Variants in LRRC34 observed in about 807,000 individuals in gnomAD.
LRRC34 encodes leucine-rich repeat-containing protein 34.
LRRC34 carries 44 observed loss-of-function variants against 48.5 expected under a neutral mutation model. The ratio of observed to expected loss-of-function variants is 0.91; its 90% CI spans 0.71 to 1.17. The LOEUF (loss-of-function observed/expected upper bound fraction) is 1.17. LRRC34 is among the 50% of genes most tolerant of loss of function. The pLI is 0.00. For synonymous variants in LRRC34, 192 were observed against 197.6 expected, an observed-to-expected ratio of 0.97 and a Z score of 0.24; for missense variants, 502 against 563.0, an observed-to-expected ratio of 0.89 and a Z score of 1.10.
At chr3:169,803,589 C>A (rs1420925210) in intron 6 of LRRC34, among the ~76,000 whole-genome samples, 1 of 152,144 alleles carries the variant, frequency 6.6e-6, no homozygotes, top group African/African-American at 2.4e-5. Context: ...CGCCACCAGG[C>A]CCCGACTAAT....
In LRRC34 at chr3:169,793,596, A is replaced by G. The variant is rs751430655; in HGVS notation, c.*39T>C. The G allele has an allele frequency of 1.8e-5, 26 of 1,420,532 alleles. No individual in the cohort carries two copies. The highest frequency in any genetic ancestry group is 5.5e-5 in the Admixed American group (3 of 54,728). The allele number at this position is 1,420,532 out of a possible 1,614,324, so 88.0% of individuals were successfully genotyped here. ...ATAGAATATTAATCTCTGTGAAACAATAAGACAAGTGTATGAAAATTATTT... is the reference window on the plus strand; with the variant it reads ...ATAGAATATTAATCTCTGTGAAACAGTAAGACAAGTGTATGAAAATTATTT... On this transcript the variant is annotated 3_prime_UTR_variant, in exon 11 of 11. Coordinates refer to ENST00000446859, the MANE Select transcript of LRRC34 (RefSeq NM_001172779.2).
rs771926845 is a variant in LRRC34, at chr3:169,807,575, T to C, written c.379+13A>G. On this transcript the variant is annotated intron_variant, in intron 3 of 10. Transcript: ENST00000446859. ...ATGAAAAGCAGGAGGTATTGATTCTTATGGAAACATACCATTAATATACAG... is the reference window on the plus strand; with the variant it reads ...ATGAAAAGCAGGAGGTATTGATTCTCATGGAAACATACCATTAATATACAG... The C allele has an allele frequency of 1.9e-6, 3 of 1,612,692 alleles. No individual in the cohort carries two copies. In the South Asian group the frequency reaches 3.3e-5, roughly 18 times the overall value.
At chr3:169,807,115 C>A (rs889299736) in intron 4 of LRRC34, among the ~76,000 whole-genome samples, 184 bp from the exon 5 acceptor site, 1 of 152,090 alleles carries the variant, frequency 6.6e-6, no homozygotes, top group Admixed American at 6.5e-5. Flanking sequence ...GGAAAAAAAT[C>A]ATTCTCATGT....
intron 6 of LRRC34, among the ~76,000 whole-genome samples, chr3:169,803,565 G>A (rs1779267813): frequency 6.6e-6 from 1 of 152,140 alleles, no homozygotes; most frequent in Non-Finnish European, 1.5e-5. Context: ...TGAGTAACTG[G>A]GATTACAGGC....
intron 7 of LRRC34, among the ~76,000 whole-genome samples, chr3:169,800,129 T>A (rs1779140159): frequency 6.6e-6 from 1 of 152,254 alleles, no homozygotes; most frequent in South Asian, 2.1e-4. Context: ...ATTCTCTAGC[T>A]GTTTACAAGT....
At position 169,796,326 on chromosome 3, in the gene LRRC34, G is replaced by A. The variant is rs1236918856; in HGVS notation, c.952C>T (p.Leu318=). 3.1e-6 allele frequency: 5 copies of A among 1,610,348 alleles called. No homozygotes were observed. The highest frequency in any genetic ancestry group is 4.2e-6 in the Non-Finnish European group (5 of 1,179,008). ...ACTTCCAGGGTAGTGTTGCTTTTCA[G>A]TACATCAGCCAAATACACCATTCCA... ...HDGMVYLADV[L]KSNTTLEVID... Residue 318 remains leucine, a synonymous_variant, in exon 9 of 11, where the codon CTG becomes TTG. Coordinates refer to ENST00000446859, the MANE Select transcript of LRRC34 (RefSeq NM_001172779.2).
At chr3:169,801,360 G>A (rs1055346663) in intron 6 of LRRC34, among the ~76,000 whole-genome samples, 1 of 152,054 alleles carries the variant, frequency 6.6e-6, no homozygotes. Flanking sequence ...TCCAAAAGAT[G>A]TCTCAAATTA....
intron 4 of LRRC34, 78 bp from the exon 5 acceptor site, chr3:169,807,009 A>G: frequency 1.3e-6 from 1 of 750,060 alleles, no homozygotes; most frequent in East Asian, 2.6e-5. Context: ...ATACATATAC[A>G]CATACAGTAT....
At chr3:169,810,209 G>A (rs1287979757) in intron 1 of LRRC34, among the ~76,000 whole-genome samples, 1 of 151,568 alleles carries the variant, frequency 6.6e-6, no homozygotes, top group African/African-American at 2.4e-5. Flanking sequence ...CCAAAGTGCT[G>A]GGATTACAGG....
At chr3:169,804,255 G>T in intron 5 of LRRC34, 74 bp from the exon 6 acceptor site, 1 of 1,225,910 alleles carries the variant, frequency 8.2e-7, no homozygotes, top group Non-Finnish European at 1.1e-6. Context: ...TTAGGAGACT[G>T]TATTACTATT....
chr3:169,807,304 A>T, intron 4 of LRRC34, 122 bp downstream of exon 4: 1 of 912,322 alleles, frequency 1.1e-6, no homozygotes, highest in Non-Finnish European at 1.7e-6. Flanking sequence ...GTATATTTCG[A>T]GTGTTCTAGC....
chr3:169,796,725 ATG>A lies in LRRC34; in HGVS notation c.908+18_908+19del. 2 of 1,594,852 alleles carry A rather than the reference ATG, an allele frequency of 1.3e-6. No homozygotes were observed. Among genetic ancestry groups the A allele is most frequent in the Non-Finnish European group, 1.7e-6 (2 of 1,172,400 alleles). ...CCCATTATTTAACTTTGAATTATTAATGTGTAAATTATCACTTACCAGCTGAC... is the reference window on the plus strand; with the variant it reads ...CCCATTATTTAACTTTGAATTATTAATGTAAATTATCACTTACCAGCTGAC... On this transcript the variant is annotated intron_variant, in intron 8 of 10. Coordinates refer to ENST00000446859, the MANE Select transcript of LRRC34 (RefSeq NM_001172779.2).
intron 10 of LRRC34, 192 bp from the exon 11 acceptor site, chr3:169,794,030 T>C (rs116757151): frequency 0.015 from 7,102 of 480,878 alleles, 78 homozygotes; most frequent in Middle Eastern, 0.024. Flanking sequence ...TTACACAGAA[T>C]GAAATTATAA....
In LRRC34 at chr3:169,795,579, T is replaced by A; in HGVS notation, c.1097A>T (p.Glu366Val). The A allele has an allele frequency of 6.2e-7, 1 of 1,612,776 alleles. No individual in the cohort carries two copies. ...LSVVSNNIEG[E>V]GLVALSQSMK... ...TGATTGTGAAAGTGCAACAAGTCCT[T>A]CTCCCTCTATGTTGTTGCTGACTAC... is the stretch of plus-strand genomic sequence containing the variant. The change falls in exon 10 of 11, where the codon GAA (glutamate) becomes GTA (valine). Residue 366 changes from glutamate (E) to valine (V), a missense_variant. Glu to Val is a moderately radical substitution (Grantham distance 121). Transcript: ENST00000446859.
chr3:169,809,793 C>A (rs1319686587), intron 1 of LRRC34, among the ~76,000 whole-genome samples: 1 of 152,084 alleles, frequency 6.6e-6, no homozygotes, highest in South Asian at 2.1e-4. Flanking sequence ...ACTGAGTGTC[C>A]TTTGCACTCT....
chr3:169,798,748 A>G (rs1418194305), intron 7 of LRRC34, among the ~76,000 whole-genome samples: 2 of 152,224 alleles, frequency 1.3e-5, no homozygotes, highest in East Asian at 3.9e-4. Context: ...AAATCCAGAA[A>G]TGTATTTAGC....
At chr3:169,811,644 G>A (rs2108254166) in intron 1 of LRRC34, among the ~76,000 whole-genome samples, 1 of 152,308 alleles carries the variant, frequency 6.6e-6, no homozygotes, top group South Asian at 2.1e-4. Context: ...ACTTACTTAG[G>A]AGGTAGATCC....
intron 6 of LRRC34, among the ~76,000 whole-genome samples, chr3:169,801,267 G>A (rs926975139): frequency 1.3e-5 from 2 of 152,048 alleles, no homozygotes; most frequent in Admixed American, 1.3e-4. Context: ...CTGGTATGCC[G>A]GAAACCATGG....
At chr3:169,810,685 A>G (rs1779530594) in intron 1 of LRRC34, among the ~76,000 whole-genome samples, 1 of 152,230 alleles carries the variant, frequency 6.6e-6, no homozygotes, top group African/African-American at 2.4e-5. Flanking sequence ...AATAAACAAA[A>G]CTATACACAG....
Sources: gnomAD v4.1 joint callset for allele counts (sites outside exome capture counted in the v4.1 genomes callset) on GRCh38, gnomAD v4.1.1 for gene constraint, MANE v1.5 for transcripts, NCBI Gene and HGNC (gene_info 2026-07-23, HGNC 2026-07-21) for gene names.